Variants in GNA14 observed in about 807,000 individuals in gnomAD.
GNA14 encodes the protein guanine nucleotide-binding protein subunit alpha-14.
Under a neutral mutation model 42.0 loss-of-function variants are expected in GNA14, and 50 were observed. That is an observed-to-expected ratio of 1.19 (90% confidence interval 0.95 to 1.51). The LOEUF is 1.51. GNA14 is among the 40% of genes most tolerant of loss of function. GNA14 has a pLI of 0.00. For missense variants in GNA14, 473 were observed against 446.2 expected (o/e 1.06, Z -0.54); for synonymous variants, 173 against 163.1 (o/e 1.06, Z -0.46).
chr9:77,561,645 T>A (rs760825284), intron 1 of GNA14, among the ~76,000 whole-genome samples: 5 of 152,190 alleles, frequency 3.3e-5, no homozygotes, highest in Non-Finnish European at 5.9e-5. Context: ...GAGTTCTTAT[T>A]TAATGGATTT....
chr9:77,462,093 C>T (rs548880634), intron 2 of GNA14, among the ~76,000 whole-genome samples: 2 of 152,268 alleles, frequency 1.3e-5, no homozygotes, highest in South Asian at 4.1e-4. Context: ...CTTCTAGGTA[C>T]GAACGTGAGC....
chr9:77,426,005 G>A (rs12343376), intron 5 of GNA14, among the ~76,000 whole-genome samples: 39,501 of 152,138 alleles, frequency 0.26, 5,645 homozygotes, highest in African/African-American at 0.38. Flanking sequence ...CTTTGGTGCA[G>A]CTTGGAAAAG....
intron 2 of GNA14, among the ~76,000 whole-genome samples, chr9:77,519,830 C>T (rs775347869): frequency 1.3e-5 from 2 of 151,842 alleles, no homozygotes; most frequent in South Asian, 2.1e-4. Context: ...GCCAACATGG[C>T]GAAACCGTAT....
At chr9:77,599,351 G>A (rs774095616) in intron 1 of GNA14, among the ~76,000 whole-genome samples, 9 of 152,180 alleles carry the variant, frequency 5.9e-5, no homozygotes, top group Admixed American at 3.3e-4. Context: ...GCCACAGAAC[G>A]GAGAATTTTT....
intron 2 of GNA14, among the ~76,000 whole-genome samples, chr9:77,519,653 G>A (rs1000258349): frequency 2.6e-5 from 4 of 152,122 alleles, no homozygotes; most frequent in Admixed American, 6.6e-5. Flanking sequence ...TACGTAGGGT[G>A]GGAGGTGGTG....
intron 2 of GNA14, among the ~76,000 whole-genome samples, chr9:77,500,054 C>G (rs2131742461): frequency 6.6e-6 from 1 of 150,682 alleles, no homozygotes; most frequent in African/African-American, 2.4e-5. Context: ...CGGAGTTTCA[C>G]TCTTGTTGCT....
chr9:77,519,385 TG>T (rs1564040326), intron 2 of GNA14, among the ~76,000 whole-genome samples: 1 of 151,856 alleles, frequency 6.6e-6, no homozygotes, highest in Non-Finnish European at 1.5e-5. Flanking sequence ...CACTCCAGCC[TG>T]GGTGACACGG....
At chr9:77,536,668 G>A (rs1454949996) in intron 1 of GNA14, among the ~76,000 whole-genome samples, 3 of 152,012 alleles carry the variant, frequency 2.0e-5, no homozygotes, top group South Asian at 2.1e-4. Flanking sequence ...CTCTTGATTC[G>A]TTAATCTGCA....
In GNA14 at chr9:77,584,419, T is replaced by C. The variant is rs1192059134; in HGVS notation, c.125-55166A>G. On this transcript the variant is annotated intron_variant, in intron 1 of 6. Coordinates refer to ENST00000341700, the MANE Select transcript of GNA14 (RefSeq NM_004297.4). ...TCAAAGTTTGGAGACCACTGTTCTA[T>C]ACCACTAGCTTGCCTTTCCTTTCAC... 5.9e-5 allele frequency among the ~76,000 whole-genome samples: 9 copies of C among 152,298 alleles called. No individual in the cohort carries two copies. The East Asian group carries it at 9.6e-4, about 16-fold the overall frequency.
Position 77,628,766 on chromosome 9 carries a change from A to G in GNA14, c.124+18904T>C, listed in dbSNP as rs1736798. 2.0e-5 allele frequency among the ~76,000 whole-genome samples: 3 copies of G among 152,308 alleles called. No homozygotes were observed. The South Asian group carries it at 6.2e-4, about 32-fold the overall frequency. On this transcript the variant is annotated intron_variant, in intron 1 of 6. Transcript: ENST00000341700. ...GATGGATTATAGACTTAAACATAAG[A>G]CCTAAAACCATAAAAACCCTAGAAG... is the stretch of plus-strand genomic sequence containing the variant.
intron 1 of GNA14, among the ~76,000 whole-genome samples, chr9:77,591,267 C>T (rs1220172297): frequency 1.3e-5 from 2 of 152,186 alleles, no homozygotes; most frequent in East Asian, 3.8e-4. Flanking sequence ...CAGCCTACAT[C>T]AAATTGCTTC....
intron 1 of GNA14, among the ~76,000 whole-genome samples, chr9:77,540,760 A>G (rs1487838571): frequency 6.6e-6 from 1 of 152,134 alleles, no homozygotes; most frequent in African/African-American, 2.4e-5. Flanking sequence ...TTTACCTGAC[A>G]TAAGTATAGT....
intron 1 of GNA14, among the ~76,000 whole-genome samples, chr9:77,620,987 ACAGTGGCACGATCT>A (rs1696066276): frequency 6.6e-6 from 1 of 151,970 alleles, no homozygotes; most frequent in Non-Finnish European, 1.5e-5. Context: ...AGGCTGGAGT[ACAGTGGCACGATCT>A]CAGCTCACTG....
At chr9:77,479,384 C>G (rs1293268432) in intron 2 of GNA14, among the ~76,000 whole-genome samples, 1 of 151,998 alleles carries the variant, frequency 6.6e-6, no homozygotes, top group East Asian at 1.9e-4. Flanking sequence ...TGATCTATAT[C>G]TCTGTTTTGG....
intron 1 of GNA14, among the ~76,000 whole-genome samples, chr9:77,587,411 A>C (rs1823323028): frequency 6.6e-6 from 1 of 152,214 alleles, no homozygotes; most frequent in Non-Finnish European, 1.5e-5. Flanking sequence ...AATATCTATC[A>C]GTTGATGAAT....
At chr9:77,580,852 T>C (rs1823212314) in intron 1 of GNA14, among the ~76,000 whole-genome samples, 1 of 152,198 alleles carries the variant, frequency 6.6e-6, no homozygotes, top group Non-Finnish European at 1.5e-5. Context: ...GCCTCAGTAA[T>C]ACATGTGCAT....
chr9:77,624,214 G>C (rs1368636338), intron 1 of GNA14, among the ~76,000 whole-genome samples: 2 of 152,196 alleles, frequency 1.3e-5, no homozygotes, highest in African/African-American at 4.8e-5. Flanking sequence ...CAGACTGCCT[G>C]TCTAGATTCC....
At chr9:77,461,639 T>A (rs1297880691) in intron 2 of GNA14, among the ~76,000 whole-genome samples, 1 of 152,154 alleles carries the variant, frequency 6.6e-6, no homozygotes, top group South Asian at 2.1e-4. Context: ...AGGAAGTAAA[T>A]CATCATGGAT....
chr9:77,550,871 A>C (rs781119342), intron 1 of GNA14, among the ~76,000 whole-genome samples: 22 of 152,304 alleles, frequency 1.4e-4, no homozygotes, highest in African/African-American at 5.3e-4. Context: ...ACTCTCACAC[A>C]CTGGAAATTT....
Sources: gnomAD v4.1 joint callset for allele counts (sites outside exome capture counted in the v4.1 genomes callset) on GRCh38, gnomAD v4.1.1 for gene constraint, MANE v1.5 for transcripts, NCBI Gene and HGNC (gene_info 2026-07-23, HGNC 2026-07-21) for gene names.